Variants in DBH observed in about 807,000 individuals in gnomAD.
DBH encodes dopamine beta-hydroxylase.
DBH carries 49 observed loss-of-function variants against 64.0 expected under a neutral mutation model. That is an observed-to-expected ratio of 0.77 (90% confidence interval 0.61 to 0.97). The LOEUF (loss-of-function observed/expected upper bound fraction) is 0.97. Ranked by LOEUF, DBH falls within the 50% of genes least tolerant of loss-of-function variation. The pLI is 0.00. For synonymous variants in DBH, 343 were observed against 347.1 expected (o/e 0.99, Z 0.13); for missense variants, 828 against 826.6 (o/e 1.00, Z -0.02).
intron 9 of DBH, chr9:133,655,820 G>A (rs1832310050): frequency 6.5e-6 from 1 of 153,508 alleles, no homozygotes; most frequent in South Asian, 2.1e-4. Flanking sequence ...AGCTGCTGCT[G>A]TTCTTCCTCC....
At chr9:133,642,907 C>T (rs910455474) in intron 3 of DBH, among the ~76,000 whole-genome samples, 2 of 152,134 alleles carry the variant, frequency 1.3e-5, no homozygotes, top group Non-Finnish European at 2.9e-5. Context: ...CGAGGTGATC[C>T]CTCCTTCATC....
At chr9:133,657,336 C>CACAAGACAATGAGAGCAAGTGCCAGG in intron 11 of DBH, 107 bp downstream of exon 11, 1 of 1,395,472 alleles carries the variant, frequency 7.2e-7, no homozygotes, top group Non-Finnish European at 1.0e-6. Flanking sequence ...AAAGCACTCG[C>CACAAGACAATGAGAGCAAGTGCCAGG]ACAAGACAAT....
rs77757435 is a variant in DBH, at chr9:133,641,085, C to G, written c.486+1093C>G. 6.9e-3 allele frequency among the ~76,000 whole-genome samples: 1,055 copies of G among 152,212 alleles called. 13 individuals are homozygous for G. Among genetic ancestry groups the G allele is most frequent in the African/African-American group, 0.024 (994 of 41,514 alleles). Reference sequence around the variant, plus strand: ...GGGTTGGAGGGTTGGGAATATGATTCTCACACAAGCGTGAATGTTGGAGGG... The same window carrying G: ...GGGTTGGAGGGTTGGGAATATGATTGTCACACAAGCGTGAATGTTGGAGGG... On this transcript the variant is annotated intron_variant, in intron 2 of 11. Coordinates refer to ENST00000393056, the MANE Select transcript of DBH (RefSeq NM_000787.4).
rs151174779 is a variant in DBH at position 133,647,896 on chromosome 9, C to T, written c.1075C>T (p.Arg359Cys). The T allele has an allele frequency of 2.8e-5, 46 of 1,614,084 alleles. No homozygotes were observed. The highest frequency in any genetic ancestry group is 1.3e-4 in the African/African-American group (10 of 74,950). The part of the protein sequence containing the change: ...IRLYYTAKLR[R>C]FNAGIMELGL... ...CTTGTACTACACAGCCAAGCTGCGG[C>T]GCTTCAACGCGGGGATCATGGAGCT... is the stretch of plus-strand genomic sequence containing the variant. The change falls in exon 6 of 12, where the codon CGC becomes TGC. Residue 359 changes from arginine (R) to cysteine (C), a missense_variant. Transcript: ENST00000393056.
chr9:133,658,130 CA>C (rs1204943251), intron 11 of DBH, among the ~76,000 whole-genome samples, 185 bp from the exon 12 acceptor site: 1 of 152,016 alleles, frequency 6.6e-6, no homozygotes, highest in East Asian at 1.9e-4. Context: ...AATGGGAAGC[CA>C]GGGGAGGGGG....
At chr9:133,648,407 T>C (rs1398147527) in intron 6 of DBH, among the ~76,000 whole-genome samples, 1 of 152,258 alleles carries the variant, frequency 6.6e-6, no homozygotes, top group Non-Finnish European at 1.5e-5. Context: ...TTCTTGGCTC[T>C]TTGTGTCCTT....
chr9:133,640,945 G>A (rs529932064), intron 2 of DBH, among the ~76,000 whole-genome samples: 4 of 152,342 alleles, frequency 2.6e-5, no homozygotes, highest in African/African-American at 7.2e-5. Context: ...CTGGGTGGCC[G>A]GGGTGGTCTC....
rs1482730530 is a variant in DBH, at chr9:133,639,818, G to T, written c.340-28G>T. On this transcript the variant is annotated intron_variant, in intron 1 of 11. Coordinates refer to ENST00000393056, the MANE Select transcript of DBH (RefSeq NM_000787.4). ...GATTGGCCCGGCTTGGCTCCTTCAT[G>T]CCTGGAGCCCAGTGCTTGTCTCTGC... 5 of 1,601,888 alleles carry T rather than the reference G, an allele frequency of 3.1e-6. No homozygotes were observed. In the East Asian group the frequency reaches 1.1e-4, roughly 36 times the overall value.
intron 11 of DBH, 188 bp downstream of exon 11, chr9:133,657,417 A>AGAG: frequency 2.7e-5 from 1 of 37,468 alleles, no homozygotes; most frequent in Middle Eastern, 7.2e-3. Flanking sequence ...AGGAGAGAGG[A>AGAG]GAGAGAGGAG....
chr9:133,658,073 CAGAGGCGGGGAG>C (rs1378561343), intron 11 of DBH, among the ~76,000 whole-genome samples: 1 of 151,628 alleles, frequency 6.6e-6, no homozygotes, highest in Non-Finnish European at 1.5e-5. Context: ...TGGGTGGGGA[CAGAGGCGGGGAG>C]AGGCCTGGAT....
At chr9:133,641,226 G>T (rs1832112489) in intron 2 of DBH, among the ~76,000 whole-genome samples, 1 of 152,242 alleles carries the variant, frequency 6.6e-6, no homozygotes, top group Admixed American at 6.5e-5. Context: ...TGCCAGATGA[G>T]GAAACTAAGG....
At chr9:133,656,957 C>T in intron 10 of DBH, 113 bp from the exon 11 acceptor site, 2 of 1,268,006 alleles carry the variant, frequency 1.6e-6, no homozygotes, top group Admixed American at 1.8e-5. Context: ...GAGGAGGTGG[C>T]AGGACGGTTG....
At chr9:133,648,103 G>A (rs544840670) in intron 6 of DBH, 91 bp downstream of exon 6, 20 of 1,444,860 alleles carry the variant, frequency 1.4e-5, no homozygotes, top group Non-Finnish European at 1.8e-5. Flanking sequence ...AGGGTGGCAG[G>A]CACAGCTTTG....
At chr9:133,645,094 T>C (rs1246372028) in intron 5 of DBH, among the ~76,000 whole-genome samples, 1 of 152,202 alleles carries the variant, frequency 6.6e-6, no homozygotes, top group Non-Finnish European at 1.5e-5. Flanking sequence ...GGTGCTAGGC[T>C]GTGCCTCACC....
rs769988800 is a variant in DBH, at chr9:133,643,519, A to G, written c.851A>G (p.Asp284Gly). Residue 284 changes from aspartate (D) to glycine (G), a missense_variant, in exon 4 of 12, where the codon GAC becomes GGC. Physicochemically the swap from Asp to Gly is moderately conservative, Grantham distance 94. Transcript: ENST00000393056. This position sits in a 1 kb window ranked among gnomAD's most constrained non-coding sequence, Gnocchi z 5.3. ...DSVPHFSGPC[D>G]SKMKPDRLNY... The stretch of plus-strand genomic sequence containing the variant: ...GTCCCCCACTTCAGCGGGCCCTGCG[A>G]CTCCAAGATGAAACCCGACCGCCTC... The G allele has an allele frequency of 1.2e-6, 2 of 1,610,230 alleles. No homozygotes were observed. Among genetic ancestry groups the G allele is most frequent in the Non-Finnish European group, 1.7e-6 (2 of 1,179,224 alleles).
intron 9 of DBH, 88 bp downstream of exon 9, chr9:133,653,087 C>A: frequency 9.8e-7 from 1 of 1,017,658 alleles, no homozygotes; most frequent in Non-Finnish European, 1.6e-6. Flanking sequence ...CTTGACTCCT[C>A]ACTTAGGGCA....
Position 133,658,530 on chromosome 9 carries a change from C to G in DBH, c.*83C>G. ...GTGCACTCTACTCTGCGACGATCCC[C>G]ATGGAACAGCCCTGCACGCCCAGGA... On this transcript the variant is annotated 3_prime_UTR_variant, in exon 12 of 12. Coordinates refer to ENST00000393056, the MANE Select transcript of DBH (RefSeq NM_000787.4). The G allele has an allele frequency of 6.3e-6, 9 of 1,432,524 alleles. No homozygotes were observed. Among genetic ancestry groups the G allele is most frequent in the African/African-American group, 1.4e-5 (1 of 70,094 alleles). 88.7% of individuals were successfully genotyped at this position (1,432,524 alleles called of 1,614,324 possible).
chr9:133,639,789 T>C, intron 1 of DBH, 57 bp from the exon 2 acceptor site: 2 of 1,572,590 alleles, frequency 1.3e-6, no homozygotes, highest in South Asian at 1.1e-5. Flanking sequence ...CCTCTTCCCC[T>C]GTGGATTGGC....
intron 1 of DBH, among the ~76,000 whole-genome samples, chr9:133,637,942 T>C (rs1037577130): frequency 2.0e-5 from 3 of 152,264 alleles, no homozygotes; most frequent in Non-Finnish European, 4.4e-5. Context: ...ACAGCCCTGA[T>C]TCTGAGCCGT....
Sources: gnomAD v4.1 joint callset for allele counts (sites outside exome capture counted in the v4.1 genomes callset) on GRCh38, gnomAD v4.1.1 for gene constraint, Gnocchi (gnomAD v3.1) non-coding constraint, MANE v1.5 for transcripts, NCBI Gene and HGNC (gene_info 2026-07-23, HGNC 2026-07-21) for gene names.